KIAA0319L: variants seen among roughly 807,000 people sequenced by gnomAD.
KIAA0319L encodes the protein KIAA0319 like.
In KIAA0319L, 55 loss-of-function variants were observed where a neutral mutation model predicts 120.1. That is an observed-to-expected ratio of 0.46 (90% CI 0.37 to 0.57). KIAA0319L has a LOEUF of 0.57. Ranked by LOEUF, KIAA0319L falls within the 20% of genes least tolerant of loss-of-function variation. KIAA0319L has a pLI of 0.00. For synonymous variants in KIAA0319L, 398 were observed against 471.9 expected (o/e 0.84, Z 2.03); for missense variants, 1,049 against 1,255.3 (o/e 0.84, Z 2.48).
chr1:35,543,240 T>G (rs1356626160), intron 2 of KIAA0319L, among the ~76,000 whole-genome samples: 5 of 152,164 alleles, frequency 3.3e-5, no homozygotes, highest in Non-Finnish European at 7.4e-5. Context: ...CCTTGCATGG[T>G]TTGTGTTAAC....
chr1:35,555,545 T>A (rs1647853453), intron 1 of KIAA0319L, among the ~76,000 whole-genome samples: 1 of 152,182 alleles, frequency 6.6e-6, no homozygotes, highest in Non-Finnish European at 1.5e-5. Context: ...TTCACTTCCA[T>A]CCATTCCTAT....
chr1:35,498,964 G>A (rs564526255), intron 3 of KIAA0319L, among the ~76,000 whole-genome samples: 1 of 152,122 alleles, frequency 6.6e-6, no homozygotes, highest in Non-Finnish European at 1.5e-5. Context: ...GCATTAGTGG[G>A]GTCTAATGAC....
rs938436432 is a variant in KIAA0319L at position 35,487,582 on chromosome 1, A to C, written c.667-8370T>G. 7.2e-5 allele frequency among the ~76,000 whole-genome samples: 11 copies of C among 152,238 alleles called. No individual in the cohort carries two copies. In the East Asian group the frequency reaches 1.9e-3, roughly 27 times the overall value. ...GGTCTGCCTGTGTAACTGATAATTG[A>C]CCAAGAATTTGGCCAGAGATTTTAC... On this transcript the variant is annotated intron_variant, in intron 3 of 20. Coordinates refer to ENST00000325722, the MANE Select transcript of KIAA0319L (RefSeq NM_024874.5).
chr1:35,448,435 T>C, intron 15 of KIAA0319L, 103 bp from the exon 16 acceptor site: 1 of 1,075,072 alleles, frequency 9.3e-7, no homozygotes, highest in Non-Finnish European at 1.4e-6. Context: ...AGTGAGAACA[T>C]TCAGATATCC....
Position 35,460,426 on chromosome 1 carries a change from C to G in KIAA0319L, c.1306G>C (p.Asp436His). The G allele has an allele frequency of 6.2e-7, 1 of 1,612,988 alleles. No individual in the cohort carries two copies. Among genetic ancestry groups the G allele is most frequent in the Non-Finnish European group, 8.5e-7 (1 of 1,179,420 alleles). Residue 436 changes from aspartate to histidine, a missense_variant, in exon 9 of 21, where the codon GAT becomes CAT. Coordinates refer to ENST00000325722, the MANE Select transcript of KIAA0319L (RefSeq NM_024874.5). ...TVIDGSQSTDDDKIVQYHWEE... is the reference protein window; with the variant it reads ...TVIDGSQSTDHDKIVQYHWEE... ...CAATGGTACTGAACGATTTTATCATCATCAGTGCTTTCTTGACCATAAAGA... is the reference window on the plus strand; with the variant it reads ...CAATGGTACTGAACGATTTTATCATGATCAGTGCTTTCTTGACCATAAAGA...
rs1648282619 is a variant in KIAA0319L, at chr1:35,557,399, G to A, written c.-221C>T. The A allele has an allele frequency of 9.6e-6, 3 of 313,758 alleles. No individual in the cohort carries two copies. Among genetic ancestry groups the A allele is most frequent in the Non-Finnish European group, 1.9e-5 (3 of 159,962 alleles). 19.4% of individuals were successfully genotyped at this position (313,758 alleles called of 1,614,324 possible). On this transcript the variant is annotated 5_prime_UTR_variant, in exon 1 of 21. Transcript: ENST00000325722. ...CCTCCCTGGACAGCGACGGCGGCCG[G>A]AAACACCGCCTCCTCCCACCTCCCC... is the stretch of plus-strand genomic sequence containing the variant.
At chr1:35,444,119 C>T (rs908911921) in intron 17 of KIAA0319L, 42 bp downstream of exon 17, 2 of 1,531,002 alleles carry the variant, frequency 1.3e-6, no homozygotes, top group East Asian at 4.7e-5. Flanking sequence ...GAGCTGCAGG[C>T]ACTAGGTAGG....
chr1:35,504,468 T>G (rs956204856), intron 3 of KIAA0319L, among the ~76,000 whole-genome samples: 23 of 152,228 alleles, frequency 1.5e-4, no homozygotes, highest in African/African-American at 5.3e-4. Context: ...AGTGCTGGGA[T>G]TACAGGCATA....
rs1222580755 is a variant in KIAA0319L, at chr1:35,522,272, ATTTG to A, written c.143-15141_143-15138del. Among the ~76,000 whole-genome samples the A allele has an allele frequency of 6.3e-3, 956 of 152,064 alleles. 9 individuals carry two copies. Among genetic ancestry groups the A allele is most frequent in the African/African-American group, 0.021 (870 of 41,458 alleles). Reference sequence around the variant, plus strand: ...TTGTTCTTTATCCATTTATCTATTTATTTGTTTGTTTATTTATTTATTTTTGAGA... The same window carrying A: ...TTGTTCTTTATCCATTTATCTATTTATTTGTTTATTTATTTATTTTTGAGA... On this transcript the variant is annotated intron_variant, in intron 2 of 20. Transcript: ENST00000325722.
intron 19 of KIAA0319L, 30 bp from the exon 20 acceptor site, chr1:35,441,168 G>T (rs779370309): frequency 6.3e-7 from 1 of 1,596,726 alleles, no homozygotes; most frequent in African/African-American, 1.3e-5. Flanking sequence ...CCCCTGCTCA[G>T]GAAAGAGGTT....
At chr1:35,469,469 G>A (rs1311651632) in intron 6 of KIAA0319L, among the ~76,000 whole-genome samples, 2 of 152,006 alleles carry the variant, frequency 1.3e-5, no homozygotes, top group African/African-American at 2.4e-5. Flanking sequence ...TCCTTAATCC[G>A]GCATATAAGG....
chr1:35,436,619 T>C (rs946265850), intron 20 of KIAA0319L, among the ~76,000 whole-genome samples: 2 of 152,158 alleles, frequency 1.3e-5, no homozygotes, highest in Non-Finnish European at 2.9e-5. Context: ...CAACCTAATA[T>C]ACTTCAATAG....
At chr1:35,493,442 T>A (rs1300581357) in intron 3 of KIAA0319L, among the ~76,000 whole-genome samples, 2 of 152,060 alleles carry the variant, frequency 1.3e-5, no homozygotes, top group African/African-American at 2.4e-5. Context: ...ATGTGCAAGA[T>A]CTGTACACTA....
chr1:35,485,767 C>T (rs895039110), intron 3 of KIAA0319L, among the ~76,000 whole-genome samples: 4 of 152,124 alleles, frequency 2.6e-5, no homozygotes, highest in Non-Finnish European at 5.9e-5. Flanking sequence ...TTAAGTCTAC[C>T]CCCTCTGGCA....
chr1:35,532,667 T>C (rs930945664), intron 2 of KIAA0319L, among the ~76,000 whole-genome samples: 1 of 152,194 alleles, frequency 6.6e-6, no homozygotes, highest in African/African-American at 2.4e-5. Flanking sequence ...CAATTTTAGA[T>C]CAGTTCCTCT....
chr1:35,482,879 G>GA (rs1644232265), intron 3 of KIAA0319L, among the ~76,000 whole-genome samples: 2 of 152,186 alleles, frequency 1.3e-5, no homozygotes, highest in Admixed American at 6.5e-5. Flanking sequence ...CACCACCAGT[G>GA]TATTTCAGTT....
At position 35,434,841 on chromosome 1, in the gene KIAA0319L, A is replaced by T; in HGVS notation, c.*53T>A. On this transcript the variant is annotated 3_prime_UTR_variant, in exon 21 of 21. Coordinates refer to ENST00000325722, the MANE Select transcript of KIAA0319L (RefSeq NM_024874.5). ...GCTGCCCGCAGACTCGGGAGGTAGG[A>T]GGACTGGCCGGGCAGTGTGCTGGGC... The T allele has an allele frequency of 6.7e-7, 1 of 1,500,132 alleles. No homozygotes were observed. Among genetic ancestry groups the T allele is most frequent in the Non-Finnish European group, 9.1e-7 (1 of 1,101,210 alleles). 92.9% of individuals were successfully genotyped at this position (1,500,132 alleles called of 1,614,324 possible).
At chr1:35,444,387 T>C in intron 16 of KIAA0319L, 84 bp from the exon 17 acceptor site, 1 of 1,317,486 alleles carries the variant, frequency 7.6e-7, no homozygotes, top group Non-Finnish European at 1.0e-6. Flanking sequence ...ACCTTCTGTT[T>C]GTGACAGACA....
At chr1:35,524,942 CTTCT>C (rs1291310361) in intron 2 of KIAA0319L, among the ~76,000 whole-genome samples, 1 of 152,022 alleles carries the variant, frequency 6.6e-6, no homozygotes, top group Non-Finnish European at 1.5e-5. Flanking sequence ...GAATTTGTTC[CTTCT>C]ATCTAGCTGT....
Sources: gnomAD v4.1 joint callset for allele counts (sites outside exome capture counted in the v4.1 genomes callset) on GRCh38, gnomAD v4.1.1 for gene constraint, MANE v1.5 for transcripts, NCBI Gene and HGNC (gene_info 2026-07-23, HGNC 2026-07-21) for gene names.